PARP1: variants seen among roughly 807,000 people sequenced by gnomAD.
The protein encoded by PARP1 is poly(ADP-ribose) polymerase 1.
A neutral mutation model predicts 118.7 loss-of-function variants in PARP1; 44 were observed. The ratio of observed to expected loss-of-function variants is 0.37; its 90% CI spans 0.29 to 0.48. The LOEUF is 0.48. PARP1 is among the 20% of genes least tolerant of loss of function. PARP1 has a pLI of 0.99. For missense variants in PARP1, 1,100 were observed against 1,272.4 expected (o/e 0.86, Z 2.06); for synonymous variants, 492 against 483.2 (o/e 1.02, Z -0.24).
chr1:226,377,263 T>C lies in PARP1; in HGVS notation c.1786A>G (p.Ile596Val). The C allele has an allele frequency of 1.2e-6, 2 of 1,614,090 alleles. No individual in the cohort carries two copies. The highest frequency in any genetic ancestry group is 1.7e-6 in the Non-Finnish European group (2 of 1,179,978). ...ATCTGTTCCAGTTTGTTGCTACCGA[T>C]CACCGTACCCACACGGCCCCAGGAC... ...FRSWGRVGTV[I>V]GSNKLEQMPS... Residue 596 changes from isoleucine to valine, a missense_variant, in exon 13 of 23, where the codon ATC becomes GTC. By Grantham distance (29) the Ile-to-Val change is conservative (BLOSUM62 3). Transcript: ENST00000366794.
intron 15 of PARP1, among the ~76,000 whole-genome samples, chr1:226,369,262 A>G (rs1664330237): frequency 6.6e-6 from 1 of 152,238 alleles, no homozygotes; most frequent in South Asian, 2.1e-4. Flanking sequence ...AGCACCAGCC[A>G]GAAAGCCCGC....
Position 226,402,312 on chromosome 1 carries a change from G to A in PARP1, c.188C>T (p.Ser63Phe), listed in dbSNP as rs1422347543. The A allele has an allele frequency of 1.9e-6, 3 of 1,613,936 alleles. No individual in the cohort carries two copies. The highest frequency in any genetic ancestry group is 1.7e-5 in the Admixed American group (1 of 60,012). Reference sequence around the variant, plus strand: ...CACCTCAACGTCAGGGTGCCGGATGGAGTGGCCCACCTTCCAGAAGCAGGA... The same window carrying A: ...CACCTCAACGTCAGGGTGCCGGATGAAGTGGCCCACCTTCCAGAAGCAGGA... ...HFSCFWKVGH[S>F]IRHPDVEVDG... The change falls in exon 2 of 23, where the codon TCC becomes TTC. Residue 63 changes from serine to phenylalanine, a missense_variant. By Grantham distance (155) the Ser-to-Phe change is radical (BLOSUM62 -2). Transcript: ENST00000366794.
chr1:226,364,416 C>CA, intron 19 of PARP1: 2 of 350,400 alleles, frequency 5.7e-6, no homozygotes, highest in Non-Finnish European at 1.1e-5. Context: ...CCAAGGAATG[C>CA]AGGCTGGTAT....
intron 6 of PARP1, among the ~76,000 whole-genome samples, chr1:226,385,989 ACAGCAGAGAAG>A (rs969593288): frequency 6.6e-6 from 1 of 152,220 alleles, no homozygotes; most frequent in Non-Finnish European, 1.5e-5. Flanking sequence ...CCCAAGAATG[ACAGCAGAGAAG>A]GGCCAGCTGG....
intron 8 of PARP1, among the ~76,000 whole-genome samples, chr1:226,382,549 T>G (rs1018999672): frequency 2.0e-5 from 3 of 152,172 alleles, no homozygotes; most frequent in Admixed American, 6.5e-5. Context: ...TTTTTAGAGA[T>G]AGGGTATCAC....
intron 2 of PARP1, among the ~76,000 whole-genome samples, chr1:226,399,673 G>A (rs562750769): frequency 5.6e-4 from 85 of 152,246 alleles, no homozygotes; most frequent in African/African-American, 1.9e-3. Flanking sequence ...TACAGACCTC[G>A]AGGGATAACG....
At chr1:226,372,751 T>C (rs749649619) in intron 14 of PARP1, among the ~76,000 whole-genome samples, 28 of 152,134 alleles carry the variant, frequency 1.8e-4, no homozygotes, top group Non-Finnish European at 3.7e-4. Context: ...GGTTTGAGAA[T>C]AGCTGAGAAC....
At chr1:226,368,372 C>G in intron 15 of PARP1, 51 bp from the exon 16 acceptor site, 1 of 1,612,780 alleles carries the variant, frequency 6.2e-7, no homozygotes, top group East Asian at 2.2e-5. Flanking sequence ...CAGCTCCAAG[C>G]CCCCGGCCAG....
chr1:226,361,992 A>G lies in PARP1; in HGVS notation c.2940T>C (p.Asn980=). The change falls in exon 22 of 23, where the codon AAT becomes AAC. Residue 980 remains asparagine, a synonymous_variant. Coordinates refer to ENST00000366794, the MANE Select transcript of PARP1 (RefSeq NM_001618.4). ...PLGTGISSGV[N]DTSLLYNEYI... ...ACTCGTTATATAGTAGAGAGGTGTC[A>G]TTCACACCAGATGAAATCCCGGTCC... 1.9e-6 allele frequency: 3 copies of G among 1,602,196 alleles called. No homozygotes were observed. The highest frequency in any genetic ancestry group is 1.3e-5 in the African/African-American group (1 of 74,832).
intron 18 of PARP1, among the ~76,000 whole-genome samples, chr1:226,365,481 C>A (rs1336338898): frequency 1.3e-5 from 2 of 152,188 alleles, no homozygotes; most frequent in African/African-American, 4.8e-5. Flanking sequence ...AAGCCATCCC[C>A]AAACTACTGT....
chr1:226,403,260 C>A (rs765097287), intron 1 of PARP1, among the ~76,000 whole-genome samples: 1 of 152,216 alleles, frequency 6.6e-6, no homozygotes, highest in South Asian at 2.1e-4. Context: ...CTCACTGCAA[C>A]CTCTGTCTCC....
chr1:226,362,146 A>T, intron 21 of PARP1, 63 bp from the exon 22 acceptor site: 1 of 888,200 alleles, frequency 1.1e-6, no homozygotes, highest in Non-Finnish European at 1.9e-6. Flanking sequence ...GCTTCCAGGG[A>T]GATGAGCTCT....
intron 19 of PARP1, 83 bp downstream of exon 19, chr1:226,364,919 A>C (rs1664226484): frequency 2.0e-6 from 3 of 1,491,376 alleles, no homozygotes; most frequent in Non-Finnish European, 2.8e-6. Flanking sequence ...CCCCTAAACC[A>C]ACTAGACCTC....
chr1:226,388,618 G>T, intron 5 of PARP1, 38 bp downstream of exon 5: 1 of 1,323,278 alleles, frequency 7.6e-7, no homozygotes, highest in Non-Finnish European at 1.1e-6. Flanking sequence ...AATCCAGACA[G>T]CAGAATGTCG....
chr1:226,399,365 C>T (rs1247752324), intron 2 of PARP1, among the ~76,000 whole-genome samples: 9 of 152,060 alleles, frequency 5.9e-5, no homozygotes, highest in Admixed American at 1.3e-4. Context: ...CCACCGTGCC[C>T]GGCTCGACAT....
At position 226,407,894 on chromosome 1, in the gene PARP1, C is replaced by G. The variant is rs777484474; in HGVS notation, c.36G>C (p.Glu12Asp). Residue 12 changes from glutamate (E) to aspartate (D), a missense_variant, in exon 1 of 23, where the codon GAG becomes GAC. Transcript: ENST00000366794. ...AESSDKLYRVEYAKSGRASCK... is the reference protein window; with the variant it reads ...AESSDKLYRVDYAKSGRASCK... ...AAGAGGCGCGCCCGCTCTTGGCGTA[C>G]TCGACTCGATAGAGCTTATCCGAAG... 4.3e-6 allele frequency: 7 copies of G among 1,612,304 alleles called. No individual in the cohort carries two copies. Among genetic ancestry groups the G allele is most frequent in the Non-Finnish European group, 8.5e-7 (1 of 1,179,088 alleles).
At position 226,408,012 on chromosome 1, in the gene PARP1, T is replaced by C. The variant is rs1016012009; in HGVS notation, c.-83A>G. The C allele has an allele frequency of 6.3e-5, 100 of 1,585,788 alleles. No individual in the cohort carries two copies. The highest frequency in any genetic ancestry group is 8.6e-5 in the Non-Finnish European group (100 of 1,167,346). ...TGCCGCCTCGCCGCCTCGCGTGCGC[T>C]CACCCAGCCGCAGGCGCCTGAGCGG... is the stretch of plus-strand genomic sequence containing the variant. On this transcript the variant is annotated 5_prime_UTR_variant, in exon 1 of 23. Coordinates refer to ENST00000366794, the MANE Select transcript of PARP1 (RefSeq NM_001618.4).
Position 226,381,171 on chromosome 1 carries a change from C to T in PARP1, c.1197G>A (p.Gly399=). The T allele has an allele frequency of 6.8e-6, 11 of 1,614,148 alleles. No individual in the cohort carries two copies. Among genetic ancestry groups the T allele is most frequent in the Non-Finnish European group, 9.3e-6 (11 of 1,180,010 alleles). Residue 399 remains glycine (G), a synonymous_variant, in exon 9 of 23, where the codon GGG becomes GGA. Transcript: ENST00000366794. The part of the protein sequence containing the change: ...PLSNMKILTL[G]KLSRNKDEVK... The stretch of plus-strand genomic sequence containing the variant: ...CTTCATCCTTGTTCCGGGACAGCTT[C>T]CCGAGAGTCAGGATCTTCATGTTGG...
Position 226,368,273 on chromosome 1 carries a change from G to T in PARP1, c.2203C>A (p.Arg735Ser). ...SDSQILDLSN[R>S]FYTLIPHDFG... ...TCGTGGGGGATCAGGGTGTAAAAGC[G>T]ATTTGAGAGATCCAGGATCTGAGAG... The change falls in exon 16 of 23, where the codon CGC becomes AGC. Residue 735 changes from arginine (R) to serine (S), a missense_variant. This residue lies in a region of PARP1 where 948 missense variants were observed against 1,031.8 expected (regional missense o/e 0.92). Transcript: ENST00000366794. 1 of 1,614,192 alleles carries T rather than the reference G, an allele frequency of 6.2e-7. No individual in the cohort carries two copies. The highest frequency in any genetic ancestry group is 8.5e-7 in the Non-Finnish European group (1 of 1,180,016).
Sources: gnomAD v4.1 joint callset for allele counts (sites outside exome capture counted in the v4.1 genomes callset) on GRCh38, gnomAD v4.1.1 for gene constraint, gnomAD v4.1.1 regional missense constraint, MANE v1.5 for transcripts, NCBI Gene and HGNC (gene_info 2026-07-23, HGNC 2026-07-21) for gene names.